The following SORCS2 variants were observed in gnomAD, a reference collection of about 807,000 sequenced individuals.
SORCS2 encodes sortilin related VPS10 domain containing receptor 2, also known as VPS10 domain-containing receptor SorCS2.
In SORCS2, 100 loss-of-function variants were observed where a neutral mutation model predicts 141.6. That is an observed-to-expected ratio of 0.71 (90% CI 0.60 to 0.83). The LOEUF is 0.83. Ranked by LOEUF, SORCS2 falls within the 40% of genes least tolerant of loss-of-function variation. The pLI, the probability that SORCS2 is intolerant of heterozygous loss-of-function variation, is 0.00. For missense variants in SORCS2, 1,646 were observed against 1,560.2 expected (o/e 1.05, Z -0.93); for synonymous variants, 789 against 676.9 (o/e 1.17, Z -2.57).
At chr4:7,660,421 C>G (rs1030020113) in intron 5 of SORCS2, among the ~76,000 whole-genome samples, 1 of 152,200 alleles carries the variant, frequency 6.6e-6, no homozygotes, top group Admixed American at 6.5e-5. Context: ...TCCCACTGGG[C>G]TCTTAGAGAT....
chr4:7,212,694 C>T (rs1728124452), intron 1 of SORCS2, among the ~76,000 whole-genome samples: 1 of 152,254 alleles, frequency 6.6e-6, no homozygotes, highest in African/African-American at 2.4e-5. Flanking sequence ...GGGTCACATG[C>T]CCACACAAAC....
chr4:7,691,932 C>T (rs1724283438), intron 11 of SORCS2, among the ~76,000 whole-genome samples: 2 of 152,020 alleles, frequency 1.3e-5, no homozygotes, highest in Admixed American at 1.3e-4. Flanking sequence ...ATGCAAAGCA[C>T]CGAGAGCAGC....
At chr4:7,220,925 G>C (rs1168201462) in intron 1 of SORCS2, among the ~76,000 whole-genome samples, 3 of 152,144 alleles carry the variant, frequency 2.0e-5, no homozygotes, top group African/African-American at 7.2e-5. Context: ...ACCCACACAG[G>C]TTGTTTAAAA....
At chr4:7,560,000 G>T (rs901512425) in intron 3 of SORCS2, among the ~76,000 whole-genome samples, 2 of 152,194 alleles carry the variant, frequency 1.3e-5, no homozygotes, top group African/African-American at 4.8e-5. Context: ...TTAGATGTGT[G>T]CCGGTGGCCA....
At chr4:7,244,460 C>T (rs1403074242) in intron 1 of SORCS2, among the ~76,000 whole-genome samples, 3 of 152,268 alleles carry the variant, frequency 2.0e-5, no homozygotes, top group Non-Finnish European at 4.4e-5. Flanking sequence ...CCCGCTGCTC[C>T]GTCCCTGCCC....
At chr4:7,498,726 G>C (rs549767913) in intron 2 of SORCS2, among the ~76,000 whole-genome samples, 1 of 152,360 alleles carries the variant, frequency 6.6e-6, no homozygotes, top group South Asian at 2.1e-4. Context: ...GCCTGGAGCA[G>C]AGGTGTCTAC....
intron 22 of SORCS2, 83 bp from the exon 23 acceptor site, chr4:7,729,504 A>C (rs937910605): frequency 6.7e-7 from 1 of 1,497,824 alleles, no homozygotes; most frequent in African/African-American, 1.4e-5. Context: ...CCAAGAAGGG[A>C]GAGAGGGTGT....
In SORCS2 at chr4:7,483,075, C is replaced by G. The variant is rs190852858; in HGVS notation, c.549-48455C>G. Among the ~76,000 whole-genome samples, 744 of 152,218 alleles carry G rather than the reference C, an allele frequency of 4.9e-3. 5 individuals carry two copies. The highest frequency in any genetic ancestry group is 0.01 in the Middle Eastern group (3 of 294). On this transcript the variant is annotated intron_variant, in intron 2 of 26. Transcript: ENST00000507866. ...GTGGCTCGTGCCTGTAATCCCAGCA[C>G]TTTGGGAGGCTGAGACGGGGGGATC...
chr4:7,290,072 C>G (rs1490390248), intron 1 of SORCS2, among the ~76,000 whole-genome samples: 1 of 152,168 alleles, frequency 6.6e-6, no homozygotes, highest in Non-Finnish European at 1.5e-5. Flanking sequence ...GGCTCTGTAC[C>G]AGGGGCCAAA....
chr4:7,576,439 A>AT (rs1460990558), intron 3 of SORCS2, among the ~76,000 whole-genome samples: 6 of 152,242 alleles, frequency 3.9e-5, no homozygotes, highest in Admixed American at 6.5e-5. Flanking sequence ...GAAACGACAA[A>AT]GCAAGTCACA....
intron 1 of SORCS2, among the ~76,000 whole-genome samples, chr4:7,285,966 GA>G: frequency 6.6e-6 from 1 of 152,302 alleles, no homozygotes; most frequent in Middle Eastern, 3.4e-3. Flanking sequence ...CCAGTGCGGG[GA>G]CCAGCACCAC....
Position 7,740,353 on chromosome 4 carries a change from C to A in SORCS2, c.*89C>A. 2 of 1,206,568 alleles carry A rather than the reference C, an allele frequency of 1.7e-6. No individual in the cohort carries two copies. Among genetic ancestry groups the A allele is most frequent in the Non-Finnish European group, 2.4e-6 (2 of 841,920 alleles). 74.7% of individuals were successfully genotyped at this position (1,206,568 alleles called of 1,614,324 possible). The stretch of plus-strand genomic sequence containing the variant: ...TGGACTGGCGCCCCTCAGAGACCTG[C>A]GGAAAGCCCCCTCCCTGAGTCGTCG... On this transcript the variant is annotated 3_prime_UTR_variant, in exon 27 of 27. Transcript: ENST00000507866.
At chr4:7,376,726 C>A (rs1349707289) in intron 1 of SORCS2, among the ~76,000 whole-genome samples, 1 of 152,146 alleles carries the variant, frequency 6.6e-6, no homozygotes, top group Non-Finnish European at 1.5e-5. Flanking sequence ...CATAGGTATG[C>A]CTGAATAAAC....
At chr4:7,574,214 G>A (rs1715594747) in intron 3 of SORCS2, among the ~76,000 whole-genome samples, 1 of 152,256 alleles carries the variant, frequency 6.6e-6, no homozygotes, top group African/African-American at 2.4e-5. Context: ...CCCCAGGACG[G>A]GACTGTGTTC....
At chr4:7,369,242 T>C (rs1039433060) in intron 1 of SORCS2, among the ~76,000 whole-genome samples, 2 of 152,040 alleles carry the variant, frequency 1.3e-5, no homozygotes, top group Non-Finnish European at 2.9e-5. Flanking sequence ...ACCTGGGAGG[T>C]GGAGGTTGCA....
chr4:7,713,537 T>A (rs1725969553), intron 15 of SORCS2, among the ~76,000 whole-genome samples: 1 of 152,056 alleles, frequency 6.6e-6, no homozygotes, highest in South Asian at 2.1e-4. Flanking sequence ...GAATTCAGCA[T>A]GGGCAAATGG....
At chr4:7,534,353 G>T (rs1489187312) in intron 3 of SORCS2, among the ~76,000 whole-genome samples, 1 of 152,186 alleles carries the variant, frequency 6.6e-6, no homozygotes, top group East Asian at 1.9e-4. Flanking sequence ...GGAGCCACAG[G>T]TGTCTCACCT....
intron 2 of SORCS2, among the ~76,000 whole-genome samples, chr4:7,485,385 G>A (rs905376506): frequency 1.1e-4 from 17 of 152,202 alleles, no homozygotes; most frequent in Non-Finnish European, 1.9e-4. Flanking sequence ...CAACTATCCC[G>A]TCACACCAGG....
At chr4:7,453,464 G>C (rs556963238) in intron 2 of SORCS2, among the ~76,000 whole-genome samples, 29 of 145,228 alleles carry the variant, frequency 2.0e-4, no homozygotes, top group Admixed American at 9.5e-4. Flanking sequence ...CAGGCTCCGT[G>C]TTGGGGTCAG....
Sources: gnomAD v4.1 joint callset for allele counts (sites outside exome capture counted in the v4.1 genomes callset) on GRCh38, gnomAD v4.1.1 for gene constraint, MANE v1.5 for transcripts, NCBI Gene and HGNC (gene_info 2026-07-23, HGNC 2026-07-21) for gene names.